KLHL29: variants seen among roughly 807,000 people sequenced by gnomAD.
KLHL29 encodes the protein kelch-like protein 29.
A neutral mutation model predicts 80.4 loss-of-function variants in KLHL29; 21 were observed. That is an observed-to-expected ratio of 0.26 (90% CI 0.19 to 0.38). The LOEUF is 0.38. Among genes scored for constraint, KLHL29 ranks in the 10% least tolerant of loss-of-function variants. KLHL29 has a pLI of 1.00. For synonymous variants in KLHL29, 511 were observed against 526.8 expected, an observed-to-expected ratio of 0.97 and a Z score of 0.41; for missense variants, 867 against 1,223.9, an observed-to-expected ratio of 0.71 and a Z score of 4.35.
chr2:23,459,885 G>A (rs1017531333), intron 1 of KLHL29, among the ~76,000 whole-genome samples: 3 of 152,184 alleles, frequency 2.0e-5, no homozygotes, highest in Non-Finnish European at 4.4e-5. Flanking sequence ...TAGAGTGATG[G>A]GCTAAGGGGT....
chr2:23,488,702 G>A lies in KLHL29; in HGVS notation c.-46+13035G>A, dbSNP rs1665004289. ...AAAAGGAGGAGACAGAATCACAAGTGTAGGAGCAGGGAGTGTCGCCTACAC... is the reference window on the plus strand; with the variant it reads ...AAAAGGAGGAGACAGAATCACAAGTATAGGAGCAGGGAGTGTCGCCTACAC... On this transcript the variant is annotated intron_variant, in intron 2 of 13. Coordinates refer to ENST00000486442, the MANE Select transcript of KLHL29 (RefSeq NM_052920.2). 2.0e-5 allele frequency among the ~76,000 whole-genome samples: 3 copies of A among 152,246 alleles called. No homozygotes were observed. The South Asian group carries it at 6.2e-4, about 32-fold the overall frequency.
At chr2:23,701,510 C>T (rs566897295) in intron 11 of KLHL29, among the ~76,000 whole-genome samples, 115 of 152,242 alleles carry the variant, frequency 7.6e-4, no homozygotes, top group Non-Finnish European at 1.2e-3. Context: ...CTCAGGAGTT[C>T]GAGACCAGCC....
At chr2:23,613,788 A>AAAAAAAAAAAAC (rs1553344242) in intron 3 of KLHL29, among the ~76,000 whole-genome samples, 55 of 147,336 alleles carry the variant, frequency 3.7e-4, no homozygotes, top group Non-Finnish European at 7.4e-4. Context: ...AAAAAAAAAA[A>AAAAAAAAAAAAC]AACCCACCAC....
rs559714088 is a variant in KLHL29, at chr2:23,412,752, T to C, written c.-154+26972T>C. On this transcript the variant is annotated intron_variant, in intron 1 of 13. Coordinates refer to ENST00000486442, the MANE Select transcript of KLHL29 (RefSeq NM_052920.2). The stretch of plus-strand genomic sequence containing the variant: ...CGGAAATCCTCTGACAGACTGGGTG[T>C]AGCTGGCCAGGGTGGTCCACGGGAT... Among the ~76,000 whole-genome samples the C allele has an allele frequency of 2.6e-3, 396 of 152,268 alleles. 3 individuals carry two copies. Among genetic ancestry groups the C allele is most frequent in the Non-Finnish European group, 4.3e-3 (291 of 68,018 alleles).
intron 3 of KLHL29, among the ~76,000 whole-genome samples, chr2:23,611,244 C>A (rs1668864474): frequency 6.6e-6 from 1 of 152,150 alleles, no homozygotes; most frequent in Non-Finnish European, 1.5e-5. Flanking sequence ...TGCTTACAGC[C>A]AGTTTTCCTC....
At chr2:23,432,481 G>A (rs1231412279) in intron 1 of KLHL29, among the ~76,000 whole-genome samples, 1 of 152,178 alleles carries the variant, frequency 6.6e-6, no homozygotes, top group African/African-American at 2.4e-5. Context: ...CCCATTCTGG[G>A]GATTCAACAG....
At chr2:23,621,560 G>C (rs773121856) in intron 3 of KLHL29, among the ~76,000 whole-genome samples, 15 of 151,952 alleles carry the variant, frequency 9.9e-5, no homozygotes, top group Non-Finnish European at 2.2e-4. Flanking sequence ...GGGGAGGGGA[G>C]GGGGAGGAGG....
chr2:23,692,356 C>A (rs1334006976), intron 7 of KLHL29, among the ~76,000 whole-genome samples: 2 of 152,250 alleles, frequency 1.3e-5, no homozygotes, highest in Non-Finnish European at 2.9e-5. Context: ...AGGATGGGGA[C>A]TGAGTGTCAG....
chr2:23,421,697 ATG>A (rs956718494), intron 1 of KLHL29, among the ~76,000 whole-genome samples: 2 of 141,760 alleles, frequency 1.4e-5, no homozygotes, highest in African/African-American at 5.3e-5. Context: ...GTGACTGTGT[ATG>A]TGTGACTGTG....
chr2:23,501,091 G>A (rs1180085589), intron 2 of KLHL29, among the ~76,000 whole-genome samples: 1 of 152,072 alleles, frequency 6.6e-6, no homozygotes, highest in African/African-American at 2.4e-5. Flanking sequence ...TCAGTCCTGG[G>A]ATGAACTGGG....
chr2:23,601,040 T>G (rs1668555746), intron 3 of KLHL29, among the ~76,000 whole-genome samples: 1 of 152,178 alleles, frequency 6.6e-6, no homozygotes, highest in Admixed American at 6.5e-5. Context: ...AGAAGAAAAC[T>G]GAGGCCTAGA....
chr2:23,708,444 G>A lies in KLHL29; in HGVS notation c.*1780G>A, dbSNP rs1280469196. The A allele has an allele frequency of 6.6e-6, 1 of 152,178 alleles. No homozygotes were observed. The highest frequency in any genetic ancestry group is 2.4e-5 in the African/African-American group (1 of 41,436). The allele number at this position is 152,178 out of a possible 1,614,324, so 9.4% of individuals were successfully genotyped here. ...CTAGTTGTCAGCGAGACTCAACACA[G>A]ATGACATTGAAATTCGTTTCTCTCC... On this transcript the variant is annotated 3_prime_UTR_variant, in exon 14 of 14. Coordinates refer to ENST00000486442, the MANE Select transcript of KLHL29 (RefSeq NM_052920.2).
chr2:23,417,078 C>T (rs1307765430), intron 1 of KLHL29, among the ~76,000 whole-genome samples: 1 of 152,176 alleles, frequency 6.6e-6, no homozygotes, highest in African/African-American at 2.4e-5. Flanking sequence ...CTTCCACCCC[C>T]AACATAGAGC....
chr2:23,563,706 T>A (rs368440775), intron 3 of KLHL29, among the ~76,000 whole-genome samples: 27 of 152,338 alleles, frequency 1.8e-4, no homozygotes, highest in African/African-American at 6.0e-4. Flanking sequence ...CATTAATAAC[T>A]GTGAGTGTTG....
intron 5 of KLHL29, among the ~76,000 whole-genome samples, chr2:23,671,133 T>A (rs1670740336): frequency 6.6e-6 from 1 of 151,486 alleles, no homozygotes; most frequent in East Asian, 2.0e-4. Context: ...TTTCCCTCTT[T>A]ACCTAGGTAA....
At chr2:23,607,095 G>A (rs1323182340) in intron 3 of KLHL29, among the ~76,000 whole-genome samples, 3 of 152,158 alleles carry the variant, frequency 2.0e-5, no homozygotes, top group African/African-American at 7.2e-5. Flanking sequence ...ACTTCCCTAA[G>A]GCTTCCCCTT....
intron 2 of KLHL29, among the ~76,000 whole-genome samples, chr2:23,493,757 G>A (rs766433557): frequency 5.9e-5 from 9 of 152,080 alleles, no homozygotes; most frequent in Admixed American, 1.3e-4. Context: ...ATTGTTTTCC[G>A]GCCTTCTCCA....
intron 3 of KLHL29, among the ~76,000 whole-genome samples, chr2:23,587,040 C>G (rs1668137911): frequency 6.6e-6 from 1 of 152,076 alleles, no homozygotes; most frequent in South Asian, 2.1e-4. Flanking sequence ...TACTTTTGAT[C>G]CCTGCACAGA....
chr2:23,676,191 T>G (rs1052080560), intron 5 of KLHL29, among the ~76,000 whole-genome samples: 3 of 151,162 alleles, frequency 2.0e-5, no homozygotes, highest in Non-Finnish European at 3.0e-5. Flanking sequence ...TTTTTTGTTT[T>G]TTTTTTTTTT....
Sources: gnomAD v4.1 joint callset for allele counts (sites outside exome capture counted in the v4.1 genomes callset) on GRCh38, gnomAD v4.1.1 for gene constraint, MANE v1.5 for transcripts, NCBI Gene and HGNC (gene_info 2026-07-23, HGNC 2026-07-21) for gene names.